The following RIMS2 variants were observed in gnomAD, a reference collection of about 807,000 sequenced individuals.
The protein encoded by RIMS2 is regulating synaptic membrane exocytosis 2, also known as regulating synaptic membrane exocytosis protein 2.
A neutral mutation model predicts 174.4 loss-of-function variants in RIMS2; 59 were observed. The ratio of observed to expected loss-of-function variants is 0.34; its 90% CI spans 0.27 to 0.42. The LOEUF is 0.42. RIMS2 is among the 10% of genes least tolerant of loss of function. The pLI is 1.00. For synonymous variants in RIMS2, 606 were observed against 572.5 expected, an observed-to-expected ratio of 1.06 and a Z score of -0.84; for missense variants, 1,620 against 1,666.3, an observed-to-expected ratio of 0.97 and a Z score of 0.48.
chr8:103,916,581 T>A, intron 8 of RIMS2, 44 bp downstream of exon 11: 2 of 1,482,334 alleles, frequency 1.3e-6, no homozygotes, highest in Non-Finnish European at 1.8e-6. Flanking sequence ...AGTTGAATAG[T>A]GTTAAACAAT....
At chr8:103,571,918 C>G (rs1014491785) in intron 1 of RIMS2, among the ~76,000 whole-genome samples, 10 of 152,166 alleles carry the variant, frequency 6.6e-5, no homozygotes, top group African/African-American at 2.4e-4. Flanking sequence ...TAATAGTTCC[C>G]TCACATATTT....
chr8:103,994,951 C>T (rs935496902), intron 17 of RIMS2, among the ~76,000 whole-genome samples: 2 of 151,770 alleles, frequency 1.3e-5, no homozygotes, highest in Non-Finnish European at 2.9e-5. Context: ...TAAATTTTAG[C>T]AAGCTTTGAA....
chr8:103,998,490 T>G (rs376773656), intron 17 of RIMS2, among the ~76,000 whole-genome samples: 2 of 151,904 alleles, frequency 1.3e-5, no homozygotes, highest in African/African-American at 4.8e-5. Flanking sequence ...TTCTAAAAAT[T>G]TAGTTCATCA....
chr8:103,955,240 A>T (rs1242967395), intron 14 of RIMS2, among the ~76,000 whole-genome samples: 2 of 152,144 alleles, frequency 1.3e-5, no homozygotes, highest in African/African-American at 4.8e-5. Context: ...ATCCTCCTTA[A>T]CTCATTTTAT....
At chr8:103,782,907 G>C (rs761024808) in intron 3 of RIMS2, among the ~76,000 whole-genome samples, 10 of 152,108 alleles carry the variant, frequency 6.6e-5, no homozygotes, top group Non-Finnish European at 8.8e-5. Context: ...TGGACTGTAT[G>C]TTAGTTTTCT....
intron 2 of RIMS2, among the ~76,000 whole-genome samples, chr8:103,700,454 G>A (rs528012280): frequency 2.6e-5 from 4 of 151,848 alleles, no homozygotes; most frequent in African/African-American, 9.6e-5. Context: ...AAATGGAATT[G>A]CATATATGTA....
At chr8:103,963,518 A>G (rs1185480788) in intron 15 of RIMS2, among the ~76,000 whole-genome samples, 1 of 152,194 alleles carries the variant, frequency 6.6e-6, no homozygotes, top group African/African-American at 2.4e-5. Flanking sequence ...ACTATGCCAG[A>G]AGTAATATTT....
chr8:103,847,993 A>G (rs2098976820), intron 3 of RIMS2, among the ~76,000 whole-genome samples: 1 of 88,420 alleles, frequency 1.1e-5, no homozygotes, highest in Admixed American at 1.2e-4. Flanking sequence ...ACACATAAGT[A>G]TGTAATGCAA....
chr8:104,091,683 T>G (rs12155654), intron 19 of RIMS2, among the ~76,000 whole-genome samples: 1 of 150,400 alleles, frequency 6.6e-6, no homozygotes, highest in Admixed American at 6.7e-5. Context: ...TATAACATGG[T>G]TAATGTTGAC....
At chr8:103,774,704 A>G (rs894721384) in intron 3 of RIMS2, among the ~76,000 whole-genome samples, 3 of 152,220 alleles carry the variant, frequency 2.0e-5, no homozygotes, top group Non-Finnish European at 4.4e-5. Context: ...TTCTATTTAT[A>G]TGAAGGTCAA....
At chr8:103,797,071 A>T (rs1044045587) in intron 3 of RIMS2, among the ~76,000 whole-genome samples, 16 of 152,144 alleles carry the variant, frequency 1.1e-4, no homozygotes, top group African/African-American at 3.9e-4. Flanking sequence ...GGAAGTGAAG[A>T]AGTAAGACGT....
At chr8:104,226,075 T>C (rs963393977) in intron 19 of RIMS2, among the ~76,000 whole-genome samples, 7 of 152,202 alleles carry the variant, frequency 4.6e-5, no homozygotes, top group Admixed American at 2.6e-4. Context: ...ATGAAGGTCA[T>C]GTGGTTAACA....
At chr8:104,079,473 C>A (rs886590470) in intron 19 of RIMS2, among the ~76,000 whole-genome samples, 1 of 151,042 alleles carries the variant, frequency 6.6e-6, no homozygotes, top group African/African-American at 2.4e-5. Flanking sequence ...TAGTAGACTA[C>A]AGAAGGGAAA....
At chr8:103,960,719 AACTTG>A (rs1352031758) in intron 14 of RIMS2, among the ~76,000 whole-genome samples, 1 of 152,160 alleles carries the variant, frequency 6.6e-6, no homozygotes, top group Non-Finnish European at 1.5e-5. Context: ...ATCTAAAATT[AACTTG>A]ACTTATCTAT....
chr8:103,994,043 CCT>C (rs1229668647), intron 17 of RIMS2, among the ~76,000 whole-genome samples: 3 of 136,314 alleles, frequency 2.2e-5, no homozygotes, highest in South Asian at 2.3e-4. Flanking sequence ...AGAGCAAGAC[CCT>C]GTCTCAAAAA....
At chr8:103,546,381 G>T (rs1176369694) in intron 1 of RIMS2, among the ~76,000 whole-genome samples, 1 of 152,116 alleles carries the variant, frequency 6.6e-6, no homozygotes, top group African/African-American at 2.4e-5. Context: ...GACTCATAAA[G>T]CACATTCTTA....
At chr8:103,803,935 C>T (rs543553264) in intron 3 of RIMS2, among the ~76,000 whole-genome samples, 8 of 152,242 alleles carry the variant, frequency 5.3e-5, no homozygotes, top group African/African-American at 1.9e-4. Context: ...AAACGTGGTC[C>T]AGTGGACATC....
chr8:103,693,267 G>T (rs1235835426), intron 1 of RIMS2, among the ~76,000 whole-genome samples: 1 of 152,112 alleles, frequency 6.6e-6, no homozygotes, highest in Non-Finnish European at 1.5e-5. Flanking sequence ...GGTGAAGGAG[G>T]GATAGCATCG....
At chr8:103,768,363 A>G (rs2098204690) in intron 3 of RIMS2, 5 of 723,528 alleles carry the variant, frequency 6.9e-6, no homozygotes, top group Non-Finnish European at 1.3e-5. Context: ...TGCACTTTTT[A>G]TGAGAAGCAT....
Sources: gnomAD v4.1 joint callset for allele counts (sites outside exome capture counted in the v4.1 genomes callset) on GRCh38, gnomAD v4.1.1 for gene constraint, MANE v1.5 for transcripts, NCBI Gene and HGNC (gene_info 2026-07-23, HGNC 2026-07-21) for gene names.